The following NTF4 variants were observed in gnomAD, a reference collection of about 807,000 sequenced individuals.
NTF4 encodes the protein neurotrophin-4.
A neutral mutation model predicts 4.4 loss-of-function variants in NTF4; 2 were observed. The ratio of observed to expected loss-of-function variants is 0.46; its 90% CI spans 0.19 to 1.44. NTF4 has a LOEUF of 1.44. Among genes scored for constraint, NTF4 ranks in the 40% most tolerant of loss-of-function variants. The pLI, the probability that NTF4 is intolerant of heterozygous loss-of-function variation, is 0.26. For synonymous variants in NTF4, 127 were observed against 122.0 expected (o/e 1.04, Z -0.27); for missense variants, 260 against 293.0 (o/e 0.89, Z 0.82).
At chr19:49,060,159 G>A (rs2040115905), downstream of NTF4, among the ~76,000 whole-genome samples, 3 of 141,678 alleles carry the variant, frequency 2.1e-5, no homozygotes. Context: ...GCTACTTTCT[G>A]CAGCCATGCC....
chr19:49,060,070 G>A (rs1304800442), downstream of NTF4, among the ~76,000 whole-genome samples: 623 of 29,700 alleles, frequency 0.021, 1 homozygote, highest in African/African-American at 0.024. Flanking sequence ...AAAAAAAAAA[G>A]CTTTTGGTCA....
In NTF4 at chr19:49,061,942, C is replaced by CTGGGGAGGAGGAAAAGGAGGAGGA; in HGVS notation, c.32_55dup (p.Ile11_Pro18dup). 1 of 1,512,866 alleles carries CTGGGGAGGAGGAAAAGGAGGAGGA rather than the reference C, an allele frequency of 6.6e-7. No homozygotes were observed. The highest frequency in any genetic ancestry group is 8.9e-7 in the Non-Finnish European group (1 of 1,119,844). 93.7% of individuals were successfully genotyped at this position (1,512,866 alleles called of 1,614,324 possible). A position where few individuals can be genotyped will look rare whatever the true frequency, so the allele number is the denominator to read the frequency against. ...TGGGGGTTGGGACTCAATTGGCACA[C>CTGGGGAGGAGGAAAAGGAGGAGGA]TGGGGAGGAGGAAAAGGAGGAGGAT... On this transcript the variant is annotated inframe_insertion, in exon 1 of 1. Coordinates refer to ENST00000593537, the Ensembl canonical transcript of NTF4. The surrounding 1 kb of genome is among the most constrained non-coding windows in gnomAD (Gnocchi z 4.9).
At chr19:49,062,160 C>G (rs550250943), upstream of NTF4, among the ~76,000 whole-genome samples, 1 of 152,158 alleles carries the variant, frequency 6.6e-6, no homozygotes, top group South Asian at 2.1e-4. Context: ...CTAGGGCTTG[C>G]GTAATGCGCA....
chr19:49,063,424 TCTC>T (rs2040177582), upstream of NTF4, among the ~76,000 whole-genome samples: 1 of 151,796 alleles, frequency 6.6e-6, no homozygotes, highest in South Asian at 2.1e-4. Flanking sequence ...TTCATGGCAT[TCTC>T]CTGCCTCAGC....
At position 49,061,605 on chromosome 19, in the gene NTF4, G is replaced by A. The variant is rs1439263904; in HGVS notation, c.393C>T (p.Pro131=). 1.2e-6 allele frequency: 2 copies of A among 1,613,910 alleles called. No homozygotes were observed. Among genetic ancestry groups the A allele is most frequent in the East Asian group, 4.5e-5 (2 of 44,888 alleles). The change falls in exon 1 of 1, where the codon CCC becomes CCT. Residue 131 remains proline, a synonymous_variant. Transcript: ENST00000593537. The surrounding 1 kb of genome is among the most constrained non-coding windows in gnomAD (Gnocchi z 4.9). ...GGGTTTCAAAGAAGTACTGGCGGAG[G>A]GGACTGCCGCCAGCTGCAGGCACCT...
chr19:49,061,621 G>T lies in NTF4; in HGVS notation c.377C>A (p.Ala126Glu). 1 of 1,613,940 alleles carries T rather than the reference G, an allele frequency of 6.2e-7. No homozygotes were observed. Among genetic ancestry groups the T allele is most frequent in the Non-Finnish European group, 8.5e-7 (1 of 1,180,016 alleles). Residue 126 changes from alanine (A) to glutamate (E), a missense_variant, in exon 1 of 1, where the codon GCA becomes GAA. Ala to Glu is a moderately radical substitution (Grantham distance 107, BLOSUM62 -1). Transcript: ENST00000593537. The surrounding 1 kb of genome is among the most constrained non-coding windows in gnomAD (Gnocchi z 4.9). ...CTGGCGGAGGGGACTGCCGCCAGCTGCAGGCACCTCGCCCAACACCTCCAC... is the reference window on the plus strand; with the variant it reads ...CTGGCGGAGGGGACTGCCGCCAGCTTCAGGCACCTCGCCCAACACCTCCAC...
chr19:49,059,665 G>T (rs1376031710), downstream of NTF4, among the ~76,000 whole-genome samples: 1 of 152,164 alleles, frequency 6.6e-6, no homozygotes, highest in East Asian at 1.9e-4. Context: ...GAGAGAGAGA[G>T]AGTTGGTGGG....
chr19:49,061,263 T>C lies in NTF4; in HGVS notation c.*102A>G. On this transcript the variant is annotated 3_prime_UTR_variant, in exon 1 of 1. Transcript: ENST00000593537. The surrounding 1 kb of genome is among the most constrained non-coding windows in gnomAD (Gnocchi z 4.9). ...AGCTCAAAATCAGAGAATTGTGATT[T>C]TGTGATTATTTGATGAGTTCCCAAA... is the stretch of plus-strand genomic sequence containing the variant. 1 of 1,557,386 alleles carries C rather than the reference T, an allele frequency of 6.4e-7. No homozygotes were observed. The highest frequency in any genetic ancestry group is 8.7e-7 in the Non-Finnish European group (1 of 1,155,878).
Position 49,061,815 on chromosome 19 carries a change from C to A in NTF4, c.183G>T (p.Leu61=), listed in dbSNP as rs2040150196. The change falls in exon 1 of 1, where the codon CTG becomes CTT. Residue 61 remains leucine, a synonymous_variant. Coordinates refer to ENST00000593537, the Ensembl canonical transcript of NTF4. The surrounding 1 kb of genome is among the most constrained non-coding windows in gnomAD (Gnocchi z 4.9). ...ACTCCCGAAAGGCCCCAGCCTCCAGCAGGAAGAGCAGAGGGGGCCCAGCAG... is the reference window on the plus strand; with the variant it reads ...ACTCCCGAAAGGCCCCAGCCTCCAGAAGGAAGAGCAGAGGGGGCCCAGCAG... 2 of 1,552,174 alleles carry A rather than the reference C, an allele frequency of 1.3e-6. No individual in the cohort carries two copies. Among genetic ancestry groups the A allele is most frequent in the East Asian group, 4.9e-5 (2 of 40,964 alleles).
upstream of NTF4, chr19:49,062,134 T>C: frequency 9.3e-7 from 1 of 1,073,736 alleles, no homozygotes; most frequent in Non-Finnish European, 1.3e-6. Context: ...TTCTAGAAGT[T>C]TGGGGGACCC....
downstream of NTF4, chr19:49,058,301 GAGA>G (rs2040092976): frequency 9.9e-6 from 15 of 1,508,514 alleles, no homozygotes; most frequent in East Asian, 3.7e-4. Context: ...GCCCAGATGC[GAGA>G]ATCCTGCTTT....
At chr19:49,060,036 C>CAAAAAAAAAAAAAAAAA (rs55870191), downstream of NTF4, among the ~76,000 whole-genome samples, 4 of 28,426 alleles carry the variant, frequency 1.4e-4, no homozygotes, top group Non-Finnish European at 1.7e-4. Context: ...GACTCCATCT[C>CAAAAAAAAAAAAAAAAA]AAAAAAAAAA....
downstream of NTF4, chr19:49,058,287 G>C: frequency 2.0e-6 from 3 of 1,519,994 alleles, no homozygotes. Flanking sequence ...GGACCTCGTC[G>C]AAAGCCCAGA....
At position 49,061,132 on chromosome 19, in the gene NTF4, G is replaced by GTTTATTTA; in HGVS notation, c.*232_*233insTAAATAAA. Reference sequence around the variant, plus strand: ...AAACAGTAAACACTCAGTAAATAGTGGCTATTATTATTATATCATCATCAT... The same window carrying GTTTATTTA: ...AAACAGTAAACACTCAGTAAATAGTGTTTATTTAGCTATTATTATTATATCATCATCAT... On this transcript the variant is annotated 3_prime_UTR_variant, in exon 1 of 1. Coordinates refer to ENST00000593537, the Ensembl canonical transcript of NTF4. The surrounding 1 kb of genome is among the most constrained non-coding windows in gnomAD (Gnocchi z 4.9). The GTTTATTTA allele has an allele frequency of 1.5e-6, 1 of 673,060 alleles. No individual in the cohort carries two copies. Among genetic ancestry groups the GTTTATTTA allele is most frequent in the East Asian group, 2.8e-5 (1 of 35,534 alleles). The allele number at this position is 673,060 out of a possible 1,614,324, so 41.7% of individuals were successfully genotyped here. A position where few individuals can be genotyped will look rare whatever the true frequency, so the allele number is the denominator to read the frequency against.
At position 49,061,626 on chromosome 19, in the gene NTF4, C is replaced by T. The variant is rs755261332; in HGVS notation, c.372G>A (p.Val124=). 7 of 1,613,912 alleles carry T rather than the reference C, an allele frequency of 4.3e-6. No individual in the cohort carries two copies. The highest frequency in any genetic ancestry group is 5.9e-6 in the Non-Finnish European group (7 of 1,180,014). Residue 124 remains valine, a synonymous_variant, in exon 1 of 1, where the codon GTG becomes GTA. Transcript: ENST00000593537. The surrounding 1 kb of genome is among the most constrained non-coding windows in gnomAD (Gnocchi z 4.9). ...GGAGGGGACTGCCGCCAGCTGCAGG[C>T]ACCTCGCCCAACACCTCCACCTCGC...
chr19:49,058,679 T>C (rs2040096305), downstream of NTF4: 1 of 267,574 alleles, frequency 3.7e-6, no homozygotes, highest in African/African-American at 2.2e-5. Flanking sequence ...GCTGGTGAGA[T>C]GCCAGTTGGG....
At chr19:49,058,456 C>G (rs995843531), downstream of NTF4, 26 of 628,990 alleles carry the variant, frequency 4.1e-5, 1 homozygote, top group Non-Finnish European at 6.4e-5. Context: ...CTCTGCAGTC[C>G]CTGGCATCCA....
downstream of NTF4, chr19:49,060,993 A>G (rs1174388918): frequency 6.4e-5 from 17 of 265,824 alleles, no homozygotes; most frequent in East Asian, 1.7e-3. Flanking sequence ...GTCCCCTCCC[A>G]CTCCCCAGCA....
At chr19:49,059,501 C>T (rs1049750517), downstream of NTF4, among the ~76,000 whole-genome samples, 2 of 152,132 alleles carry the variant, frequency 1.3e-5, no homozygotes, top group Non-Finnish European at 2.9e-5. Flanking sequence ...AAGTTAGAGA[C>T]AGAGATGAAG....
Sources: allele counts gnomAD v4.1 joint callset (sites outside exome capture counted in the v4.1 genomes callset), GRCh38; gene constraint gnomAD v4.1.1; non-coding constraint Gnocchi (gnomAD v3.1); transcripts MANE v1.5; gene names NCBI Gene and HGNC (gene_info 2026-07-23, HGNC 2026-07-21).